The following ZDHHC23 variants were observed in gnomAD, a reference collection of about 807,000 sequenced individuals.
ZDHHC23 encodes zDHHC palmitoyltransferase 23.
ZDHHC23 carries 41 observed loss-of-function variants against 40.2 expected under a neutral mutation model. The observed-to-expected ratio is 1.02, with a 90% CI of 0.79 to 1.32. The LOEUF (loss-of-function observed/expected upper bound fraction) is 1.32, where lower values mean the gene tolerates loss of function less well. Ranked by LOEUF, ZDHHC23 falls within the 40% of genes most tolerant of loss-of-function variation. ZDHHC23 has a pLI of 0.00. For synonymous variants in ZDHHC23, 204 were observed against 210.2 expected (o/e 0.97, Z 0.26); for missense variants, 471 against 541.5 (o/e 0.87, Z 1.29).
At chr3:113,955,176 A>T (rs1394041001) in intron 3 of ZDHHC23, among the ~76,000 whole-genome samples, 1 of 152,186 alleles carries the variant, frequency 6.6e-6, no homozygotes, top group East Asian at 1.9e-4. Context: ...CTGGTCCTGT[A>T]GCGTACCTCC....
chr3:113,979,106 A>T, the ZDHHC23 span: 1 of 1,137,482 alleles, frequency 8.8e-7, no homozygotes, highest in Non-Finnish European at 1.3e-6. Flanking sequence ...AAACACATTT[A>T]GGCAGTCGGT....
rs1939521844 is a variant in ZDHHC23 at position 113,959,372 on chromosome 3, A to G, written c.*742A>G. 1 of 1,131,524 alleles carries G rather than the reference A, an allele frequency of 8.8e-7. No homozygotes were observed. Among genetic ancestry groups the G allele is most frequent in the African/African-American group, 1.6e-5 (1 of 62,850 alleles). 70.1% of individuals were successfully genotyped at this position (1,131,524 alleles called of 1,614,324 possible). A position where few individuals can be genotyped will look rare whatever the true frequency, so the allele number is the denominator to read the frequency against. On this transcript the variant is annotated 3_prime_UTR_variant, in exon 5 of 5. Transcript: ENST00000638807. ...CTTGAAAAGACAGTTGACAACAGTT[A>G]TAAAGATAATTATTGCTAGTGTAAT... is the stretch of plus-strand genomic sequence containing the variant.
chr3:113,958,422 A>C lies in ZDHHC23; in HGVS notation c.1100A>C (p.Tyr367Ser), dbSNP rs201631949. The C allele has an allele frequency of 3.1e-6, 5 of 1,614,156 alleles. No homozygotes were observed. Among genetic ancestry groups the C allele is most frequent in the Admixed American group, 1.7e-5 (1 of 60,010 alleles). The change falls in exon 5 of 5, where the codon TAC becomes TCC. Residue 367 changes from tyrosine to serine, a missense_variant. Tyr to Ser is a moderately radical substitution (Grantham distance 144, BLOSUM62 -2). Coordinates refer to ENST00000638807, the MANE Select transcript of ZDHHC23 (RefSeq NM_001320466.2). ...YSVIITAGMAYIFLIQLINIS... is the reference protein window; with the variant it reads ...YSVIITAGMASIFLIQLINIS... ...GTGATCATCACAGCAGGCATGGCCT[A>C]CATCTTCCTGATCCAGCTGATCAAC...
In ZDHHC23 at chr3:113,948,698, A is replaced by G. The variant is rs1938366351; in HGVS notation, c.-105A>G. ...TTTGATTGCTCAGGCGTTGGAGGTT[A>G]AGCAGAGAGAGAGAGGCGTGGACCT... On this transcript the variant is annotated 5_prime_UTR_variant, in exon 2 of 5. Transcript: ENST00000638807. The G allele has an allele frequency of 7.4e-7, 1 of 1,358,236 alleles. No individual in the cohort carries two copies. Among genetic ancestry groups the G allele is most frequent in the Non-Finnish European group, 1.0e-6 (1 of 983,616 alleles). 84.1% of individuals were successfully genotyped at this position (1,358,236 alleles called of 1,614,324 possible). A position where few individuals can be genotyped will look rare whatever the true frequency, so the allele number is the denominator to read the frequency against.
rs1489388458 is a variant in ZDHHC23 at position 113,960,604 on chromosome 3, G to T, written c.*1974G>T. On this transcript the variant is annotated 3_prime_UTR_variant, in exon 5 of 5. Transcript: ENST00000638807. Reference sequence around the variant, plus strand: ...AGTAATTTTAGCTTCTTGCCAAATTGTTCACAACATCTAAATGTAATGTGA... The same window carrying T: ...AGTAATTTTAGCTTCTTGCCAAATTTTTCACAACATCTAAATGTAATGTGA... The T allele has an allele frequency of 3.9e-6, 6 of 1,557,064 alleles. No individual in the cohort carries two copies. The highest frequency in any genetic ancestry group is 2.1e-5 in the Admixed American group (1 of 47,148).
the ZDHHC23 span, among the ~76,000 whole-genome samples, chr3:113,972,121 T>C: frequency 6.6e-6 from 1 of 151,992 alleles, no homozygotes; most frequent in Admixed American, 6.6e-5. Flanking sequence ...TAATTTGGGG[T>C]TTGGTTTGTT....
At chr3:113,974,623 C>T in the ZDHHC23 span, among the ~76,000 whole-genome samples, 5 of 151,906 alleles carry the variant, frequency 3.3e-5, no homozygotes, top group African/African-American at 7.3e-5. Flanking sequence ...CCGGCCAACT[C>T]GCTGTTGTTT....
At chr3:113,979,404 T>C in the ZDHHC23 span, among the ~76,000 whole-genome samples, 4 of 152,184 alleles carry the variant, frequency 2.6e-5, no homozygotes, top group African/African-American at 9.7e-5. Context: ...CACTGTCTAA[T>C]TGAGGAAATG....
chr3:113,965,399 A>G, downstream of ZDHHC23: 2 of 1,374,840 alleles, frequency 1.5e-6, no homozygotes, highest in Non-Finnish European at 2.0e-6. Flanking sequence ...ATGTTGAGAA[A>G]AAGTTGGCTT....
At chr3:113,949,284 A>G (rs565841597) in intron 2 of ZDHHC23, among the ~76,000 whole-genome samples, 2 of 152,380 alleles carry the variant, frequency 1.3e-5, no homozygotes, top group East Asian at 3.9e-4. Flanking sequence ...TGTAAGTTTA[A>G]AATGAACACA....
chr3:113,968,791 ATTG>A, downstream of ZDHHC23, among the ~76,000 whole-genome samples: 1 of 151,200 alleles, frequency 6.6e-6, no homozygotes, highest in East Asian at 1.9e-4. Context: ...TTTTTTTGCT[ATTG>A]TTTGAGTTCC....
chr3:113,964,847 A>G (rs777660582), downstream of ZDHHC23: 9 of 179,512 alleles, frequency 5.0e-5, no homozygotes, highest in Non-Finnish European at 8.1e-5. Flanking sequence ...TTTTCTTCAC[A>G]GGCTCAGTCA....
At chr3:113,954,638 T>G (rs181640521) in intron 3 of ZDHHC23, among the ~76,000 whole-genome samples, 9 of 146,002 alleles carry the variant, frequency 6.2e-5, no homozygotes, top group Non-Finnish European at 1.2e-4. Context: ...ACTTGTGGGG[T>G]TTTTTTTTTC....
chr3:113,954,312 G>A lies in ZDHHC23; in HGVS notation c.774G>A (p.Glu258=). ...CTGGAAGCCCCACCAAAGCGAAGGAGGACTGGTGTGCCAAGTGCCAGCTGG... is the reference window on the plus strand; with the variant it reads ...CTGGAAGCCCCACCAAAGCGAAGGAAGACTGGTGTGCCAAGTGCCAGCTGG... ...MPAGSPTKAK[E]DWCAKCQLVR... Residue 258 remains glutamate, a synonymous_variant, in exon 3 of 5, where the codon GAG becomes GAA. Transcript: ENST00000638807. 1 of 1,614,106 alleles carries A rather than the reference G, an allele frequency of 6.2e-7. No homozygotes were observed. Among genetic ancestry groups the A allele is most frequent in the Non-Finnish European group, 8.5e-7 (1 of 1,179,946 alleles).
At chr3:113,974,379 G>C in the ZDHHC23 span, among the ~76,000 whole-genome samples, 1 of 151,656 alleles carries the variant, frequency 6.6e-6, no homozygotes, top group African/African-American at 2.4e-5. Context: ...GAGTGCAGTG[G>C]CATGATCTCA....
intron 3 of ZDHHC23, among the ~76,000 whole-genome samples, chr3:113,956,065 A>C (rs963195476): frequency 6.6e-6 from 1 of 152,128 alleles, no homozygotes; most frequent in Non-Finnish European, 1.5e-5. Flanking sequence ...AACATGGTGA[A>C]ACCCCATCTC....
chr3:113,973,041 C>G, the ZDHHC23 span, among the ~76,000 whole-genome samples: 1 of 151,988 alleles, frequency 6.6e-6, no homozygotes, highest in Non-Finnish European at 1.5e-5. Flanking sequence ...AGAACTGAGT[C>G]CATTTATATT....
downstream of ZDHHC23, among the ~76,000 whole-genome samples, chr3:113,967,897 T>G (rs1192291067): frequency 6.6e-6 from 1 of 152,238 alleles, no homozygotes; most frequent in African/African-American, 2.4e-5. Context: ...TATTTGTCTT[T>G]CTGTGCTTGA....
the ZDHHC23 span, chr3:113,978,248 CATGTT>C: frequency 6.2e-7 from 1 of 1,614,010 alleles, no homozygotes; most frequent in Admixed American, 1.7e-5. Context: ...CCTCCCTGAC[CATGTT>C]AAACCAGGCC....
Sources: allele counts gnomAD v4.1 joint callset (sites outside exome capture counted in the v4.1 genomes callset), GRCh38; gene constraint gnomAD v4.1.1; transcripts MANE v1.5; gene names NCBI Gene and HGNC (gene_info 2026-07-23, HGNC 2026-07-21).